The following TSNARE1 variants were observed in gnomAD, a reference collection of about 807,000 sequenced individuals.
TSNARE1 encodes t-SNARE domain-containing protein 1.
Under a neutral mutation model 62.0 loss-of-function variants are expected in TSNARE1, and 49 were observed. The observed-to-expected ratio is 0.79, with a 90% CI of 0.63 to 1.00. The LOEUF is 1.00. Ranked by LOEUF, TSNARE1 falls within the 50% of genes least tolerant of loss-of-function variation. The pLI, the probability that TSNARE1 is intolerant of heterozygous loss-of-function variation, is 0.00. For missense variants in TSNARE1, 755 were observed against 700.1 expected (o/e 1.08, Z -0.88); for synonymous variants, 328 against 294.4 (o/e 1.11, Z -1.17).
At chr8:142,311,771 A>C (rs1455765535) in intron 9 of TSNARE1, among the ~76,000 whole-genome samples, 1 of 151,518 alleles carries the variant, frequency 6.6e-6, no homozygotes, top group African/African-American at 2.4e-5. Flanking sequence ...ATTTTCTATC[A>C]TTTTTTCTTT....
intron 12 of TSNARE1, among the ~76,000 whole-genome samples, chr8:142,236,416 C>T (rs903120741): frequency 1.3e-5 from 2 of 151,830 alleles, no homozygotes; most frequent in African/African-American, 4.8e-5. Context: ...CGTGACCGTC[C>T]CCACCCTCCT....
At chr8:142,284,088 G>A (rs1222131385) in intron 11 of TSNARE1, among the ~76,000 whole-genome samples, 4 of 145,148 alleles carry the variant, frequency 2.8e-5, no homozygotes, top group Admixed American at 1.4e-4. Flanking sequence ...GTCTGCCAAT[G>A]AGCAGAGGCG....
rs912832825 is a variant in TSNARE1 at position 142,235,932 on chromosome 8, G to C, written c.1447-6353C>G. 2.0e-4 allele frequency among the ~76,000 whole-genome samples: 30 copies of C among 152,134 alleles called. 2 individuals carry two copies. The highest frequency in any genetic ancestry group is 1.8e-3 in the Admixed American group (27 of 15,284). On this transcript the variant is annotated intron_variant, in intron 12 of 13. Coordinates refer to ENST00000524325, the MANE Select transcript of TSNARE1 (RefSeq NM_145003.5). ...GGGGCAGGAGGAGGTGGGCACGCAG[G>C]AGGGGCTTCACCTGGCGAGGTGGGG... is the stretch of plus-strand genomic sequence containing the variant.
At chr8:142,387,428 G>A (rs1317708316) in intron 1 of TSNARE1, among the ~76,000 whole-genome samples, 2 of 152,024 alleles carry the variant, frequency 1.3e-5, no homozygotes, top group East Asian at 3.9e-4. Flanking sequence ...AAACAAGGGA[G>A]TTTAAAAAGC....
chr8:142,349,246 G>A (rs1833778783), intron 2 of TSNARE1, among the ~76,000 whole-genome samples: 1 of 152,334 alleles, frequency 6.6e-6, no homozygotes, highest in Middle Eastern at 3.4e-3. Flanking sequence ...TGAAAATGAT[G>A]AAGTAAACTT....
intron 6 of TSNARE1, among the ~76,000 whole-genome samples, chr8:142,328,682 A>C (rs1474388754): frequency 6.6e-6 from 1 of 152,210 alleles, no homozygotes; most frequent in Non-Finnish European, 1.5e-5. Context: ...CCATCTCCAG[A>C]TCGTGACGGC....
intron 11 of TSNARE1, chr8:142,275,712 G>A: frequency 1.0e-6 from 1 of 985,450 alleles, no homozygotes; most frequent in Non-Finnish European, 1.2e-6. Flanking sequence ...AGAAGAGCTT[G>A]GGAGGCAGGA....
intron 9 of TSNARE1, among the ~76,000 whole-genome samples, chr8:142,304,662 C>T (rs1826364432): frequency 6.6e-6 from 1 of 152,226 alleles, no homozygotes; most frequent in African/African-American, 2.4e-5. Flanking sequence ...GGGGATGGAG[C>T]TGACCTCAGC....
chr8:142,395,817 G>A (rs986294370), intron 1 of TSNARE1, among the ~76,000 whole-genome samples: 12 of 152,202 alleles, frequency 7.9e-5, no homozygotes, highest in Non-Finnish European at 7.4e-5. Context: ...CATTAGCACC[G>A]AGGGCAGCCA....
At chr8:142,226,689 T>C (rs918038200) in intron 13 of TSNARE1, among the ~76,000 whole-genome samples, 4 of 152,090 alleles carry the variant, frequency 2.6e-5, no homozygotes, top group Admixed American at 2.6e-4. Flanking sequence ...CCAGGCTTAA[T>C]AGAGGCAGAA....
chr8:142,403,162 G>A lies in TSNARE1; in HGVS notation c.-98C>T, dbSNP rs915127614. The A allele has an allele frequency of 3.4e-5, 5 of 148,894 alleles. No individual in the cohort carries two copies. Among genetic ancestry groups the A allele is most frequent in the Non-Finnish European group, 7.5e-5 (5 of 66,446 alleles). The allele number at this position is 148,894 out of a possible 1,614,324, so 9.2% of individuals were successfully genotyped here. On this transcript the variant is annotated 5_prime_UTR_variant, in exon 1 of 14. Coordinates refer to ENST00000524325, the MANE Select transcript of TSNARE1 (RefSeq NM_145003.5). ...GCTCACGGCGGGCGAGGCGGGCGGGGCGGGCACCCAAACATCACGTGACGG... is the reference window on the plus strand; with the variant it reads ...GCTCACGGCGGGCGAGGCGGGCGGGACGGGCACCCAAACATCACGTGACGG...
At chr8:142,300,676 G>A (rs1217010783) in intron 9 of TSNARE1, 32 bp from the exon 10 acceptor site, 2 of 1,589,524 alleles carry the variant, frequency 1.3e-6, no homozygotes, top group Non-Finnish European at 1.7e-6. Context: ...TGTTAGCACT[G>A]ACCCCTCCCA....
At chr8:142,279,849 G>C (rs1311447916) in intron 11 of TSNARE1, 1 of 1,027,336 alleles carries the variant, frequency 9.7e-7, no homozygotes, top group African/African-American at 1.7e-5. Flanking sequence ...CTGTGGGGAA[G>C]GCCCACTTAC....
At chr8:142,313,485 GTC>G (rs1203241078) in intron 9 of TSNARE1, among the ~76,000 whole-genome samples, 1 of 151,802 alleles carries the variant, frequency 6.6e-6, no homozygotes, top group East Asian at 1.9e-4. Flanking sequence ...GTTTATCTGT[GTC>G]TCTGTGTGTT....
chr8:142,393,392 G>A (rs1361494773), intron 1 of TSNARE1, among the ~76,000 whole-genome samples: 5 of 152,248 alleles, frequency 3.3e-5, no homozygotes, highest in Non-Finnish European at 5.9e-5. Flanking sequence ...GGGCTCCTCT[G>A]AGTGATGACG....
chr8:142,273,522 C>T (rs1819939506), intron 12 of TSNARE1: 1 of 985,314 alleles, frequency 1.0e-6, no homozygotes, highest in African/African-American at 1.7e-5. Context: ...TGCCTCTGAC[C>T]TCATCCTGCA....
Position 142,372,187 on chromosome 8 carries a change from A to G in TSNARE1, c.-39-17424T>C, listed in dbSNP as rs150239199. On this transcript the variant is annotated intron_variant, in intron 1 of 13. Transcript: ENST00000524325. ...ATCTGATCTCAGGGGAGAGGCTAGG[A>G]CTGAAAGACCCACCACGGGAGCCTG... Among the ~76,000 whole-genome samples the G allele has an allele frequency of 1.5e-3, 223 of 152,272 alleles. 2 individuals are homozygous for G. The highest frequency in any genetic ancestry group is 5.1e-3 in the African/African-American group (210 of 41,560).
Position 142,249,904 on chromosome 8 carries a change from C to T in TSNARE1, c.1447-20325G>A, listed in dbSNP as rs370486289. On this transcript the variant is annotated intron_variant, in intron 12 of 13. Coordinates refer to ENST00000524325, the MANE Select transcript of TSNARE1 (RefSeq NM_145003.5). ...GGCCTCGCAGCTCCAGCACCAATCA[C>T]ACCCGCAACCTGGGGGCAATTGTGA... 3.9e-5 allele frequency among the ~76,000 whole-genome samples: 6 copies of T among 152,220 alleles called. No homozygotes were observed. The East Asian group carries it at 5.8e-4, about 15-fold the overall frequency.
chr8:142,380,066 C>CACA (rs563401638), intron 1 of TSNARE1, among the ~76,000 whole-genome samples: 2 of 152,096 alleles, frequency 1.3e-5, no homozygotes, highest in Non-Finnish European at 2.9e-5. Flanking sequence ...AGTTCCAGGT[C>CACA]ACAACAACAA....
Sources: gnomAD v4.1 joint callset for allele counts (sites outside exome capture counted in the v4.1 genomes callset) on GRCh38, gnomAD v4.1.1 for gene constraint, MANE v1.5 for transcripts, NCBI Gene and HGNC (gene_info 2026-07-23, HGNC 2026-07-21) for gene names.